NUP58: variants seen among roughly 807,000 people sequenced by gnomAD.
The protein encoded by NUP58 is nucleoporin p58/p45.
A neutral mutation model predicts 70.1 loss-of-function variants in NUP58; 17 were observed. That is an observed-to-expected ratio of 0.24 (90% CI 0.17 to 0.36). The LOEUF (loss-of-function observed/expected upper bound fraction) is 0.36, where lower values mean the gene tolerates loss of function less well. Among genes scored for constraint, NUP58 ranks in the 10% least tolerant of loss-of-function variants. The pLI is 1.00. For synonymous variants in NUP58, 275 were observed against 257.6 expected (o/e 1.07, Z -0.65); for missense variants, 644 against 701.5 (o/e 0.92, Z 0.93).
At position 25,313,605 on chromosome 13, in the gene NUP58, T is replaced by A; in HGVS notation, c.437-9T>A. 1.3e-6 allele frequency: 2 copies of A among 1,487,058 alleles called. No homozygotes were observed. The highest frequency in any genetic ancestry group is 1.8e-6 in the Non-Finnish European group (2 of 1,128,084). The allele number at this position is 1,487,058 out of a possible 1,614,324, so 92.1% of individuals were successfully genotyped here. On this transcript the variant is annotated splice_polypyrimidine_tract_variant and intron_variant, in intron 4 of 15. Transcript: ENST00000381736. ...GCCTTTTGAAAGCTTACTATCTCTC[T>A]TTTTATAGCATCCACAGGATTTACT...
chr13:25,316,133 T>C (rs960979773), intron 6 of NUP58, among the ~76,000 whole-genome samples: 3 of 152,176 alleles, frequency 2.0e-5, no homozygotes, highest in East Asian at 1.9e-4. Context: ...AGACTCTTAG[T>C]GTATAGTTTG....
At chr13:25,348,038 G>C (rs1217135331) in intron 3 of NUP58, among the ~76,000 whole-genome samples, 1 of 152,164 alleles carries the variant, frequency 6.6e-6, no homozygotes, top group Non-Finnish European at 1.5e-5. Context: ...GTTCTCCCTT[G>C]GTTGAGAAGC....
At chr13:25,324,804 T>G (rs1447595590) in intron 9 of NUP58, among the ~76,000 whole-genome samples, 185 bp from the exon 10 acceptor site, 1 of 152,228 alleles carries the variant, frequency 6.6e-6, no homozygotes, top group Non-Finnish European at 1.5e-5. Flanking sequence ...CTGTAATTTG[T>G]CTGCTCTTGA....
At chr13:25,317,741 A>G (rs2030997789) in intron 6 of NUP58, 1 of 148,914 alleles carries the variant, frequency 6.7e-6, no homozygotes, top group African/African-American at 2.6e-5. Context: ...ATATGAAAGA[A>G]AAAAATCTTA....
chr13:25,319,079 G>A lies in NUP58; in HGVS notation c.686-247G>A, dbSNP rs2031068131. 2.6e-5 allele frequency among the ~76,000 whole-genome samples: 4 copies of A among 151,880 alleles called. No homozygotes were observed. In the South Asian group the frequency reaches 8.3e-4, roughly 32 times the overall value. On this transcript the variant is annotated intron_variant, in intron 6 of 15. Coordinates refer to ENST00000381736, the MANE Select transcript of NUP58 (RefSeq NM_014089.4). Reference sequence around the variant, plus strand: ...AGTTCATGACGAGGGTTGAGAAAGGGAAATTCTTGCCCTTGAAAGTATATG... The same window carrying A: ...AGTTCATGACGAGGGTTGAGAAAGGAAAATTCTTGCCCTTGAAAGTATATG...
At chr13:25,346,719 TAAAA>T (rs897278773), downstream of NUP58, among the ~76,000 whole-genome samples, 10 of 128,858 alleles carry the variant, frequency 7.8e-5, no homozygotes, top group African/African-American at 2.8e-4. Flanking sequence ...AAACTCCATC[TAAAA>T]AAAAAAAAAA....
chr13:25,333,369 TA>T (rs2031675768), intron 13 of NUP58: 1 of 985,312 alleles, frequency 1.0e-6, no homozygotes, highest in Non-Finnish European at 1.2e-6. Context: ...CTTTTGCTCA[TA>T]GGCTTTAATT....
chr13:25,317,267 TCCTTATTTG>T (rs149355720), intron 6 of NUP58, among the ~76,000 whole-genome samples: 4,313 of 152,204 alleles, frequency 0.028, 230 homozygotes, highest in African/African-American at 0.099. Context: ...AGTCATGGAG[TCCTTATTTG>T]CCATGTTGAG....
chr13:25,333,124 T>TTGTG (rs566429989), intron 13 of NUP58: 2 of 981,618 alleles, frequency 2.0e-6, no homozygotes, highest in East Asian at 1.1e-4. Flanking sequence ...TGTCAAGGGT[T>TTGTG]TGTGTGTGTG....
chr13:25,328,028 G>A (rs567797120), intron 12 of NUP58, among the ~76,000 whole-genome samples: 10 of 151,870 alleles, frequency 6.6e-5, no homozygotes, highest in Non-Finnish European at 1.5e-4. Flanking sequence ...GTGAAACCCC[G>A]TCTCTACTAA....
chr13:25,315,684 GTC>G (rs2030897181), intron 6 of NUP58, among the ~76,000 whole-genome samples: 1 of 12,428 alleles, frequency 8.0e-5, no homozygotes, highest in African/African-American at 8.2e-5. Context: ...AGAAGCATTT[GTC>G]TGTCAGTAAC....
downstream of NUP58, among the ~76,000 whole-genome samples, chr13:25,347,262 G>A (rs1380977358): frequency 6.6e-6 from 1 of 152,148 alleles, no homozygotes; most frequent in Non-Finnish European, 1.5e-5. Flanking sequence ...CCAGCTCATG[G>A]GAAGAAGGAA....
intron 1 of NUP58, chr13:25,303,282 G>GGACT (rs966390209): frequency 7.1e-4 from 258 of 365,866 alleles, no homozygotes; most frequent in Non-Finnish European, 1.3e-4. Context: ...GAACCTCTGG[G>GGACT]GACTCATCTT....
At chr13:25,344,225 G>C (rs958068494), downstream of NUP58, among the ~76,000 whole-genome samples, 4 of 152,042 alleles carry the variant, frequency 2.6e-5, no homozygotes, top group South Asian at 2.1e-4. Flanking sequence ...GTAGATAATA[G>C]GTATTAATAT....
intron 2 of NUP58, 99 bp downstream of exon 2, chr13:25,308,047 A>G: frequency 7.4e-7 from 1 of 1,354,440 alleles, no homozygotes; most frequent in Non-Finnish European, 1.0e-6. Context: ...CACTGGTAGT[A>G]GACCTTAAAA....
Position 25,322,283 on chromosome 13 carries a change from A to G in NUP58, c.951+1190A>G, listed in dbSNP as rs559332540. ...AAGGTGCTTTTGGGTCTTTAAGTCC[A>G]CTATTGGAGAATATCTTGTAATCTT... On this transcript the variant is annotated intron_variant, in intron 9 of 15. Transcript: ENST00000381736. Among the ~76,000 whole-genome samples, 108 of 152,340 alleles carry G rather than the reference A, an allele frequency of 7.1e-4. 1 individual carries two copies. The highest frequency in any genetic ancestry group is 2.5e-3 in the African/African-American group (102 of 41,568).
In NUP58 at chr13:25,327,022, A is replaced by G. The variant is rs764411980; in HGVS notation, c.1138A>G (p.Ile380Val). 7 of 1,581,918 alleles carry G rather than the reference A, an allele frequency of 4.4e-6. No individual in the cohort carries two copies. In the East Asian group the frequency reaches 1.1e-4, roughly 25 times the overall value. The change falls in exon 11 of 16, where the codon ATA (isoleucine) becomes GTA (valine). Residue 380 changes from isoleucine to valine, a missense_variant. Transcript: ENST00000381736. ...TGCCACTCAAGCAAATAATTCACATATAACCCCTCAAGGTAACATGCTTAC... is the reference window on the plus strand; with the variant it reads ...TGCCACTCAAGCAAATAATTCACATGTAACCCCTCAAGGTAACATGCTTAC... ...HLATQANNSH[I>V]TPQDLSMAMQ...
Position 25,336,477 on chromosome 13 carries a change from G to A in NUP58, c.1436-459G>A. ...TGCCATGTTAGTGTCAGTCTCTCTT[G>A]ATCAATTGAGACTTGACTCTAACAC... On this transcript the variant is annotated intron_variant, in intron 13 of 15. Transcript: ENST00000381736. The A allele has an allele frequency of 6.9e-5, 25 of 362,208 alleles. 1 individual carries two copies. Among genetic ancestry groups the A allele is most frequent in the South Asian group, 5.9e-4 (24 of 40,790 alleles). The allele number at this position is 362,208 out of a possible 1,614,324, so 22.4% of individuals were successfully genotyped here. A position where few individuals can be genotyped will look rare whatever the true frequency, so the allele number is the denominator to read the frequency against.
intron 13 of NUP58, chr13:25,334,864 T>G: frequency 1.0e-6 from 1 of 984,546 alleles, no homozygotes; most frequent in South Asian, 4.7e-5. Flanking sequence ...AGATTTCACT[T>G]TGGCCAGTCA....
Sources: gnomAD v4.1 joint callset for allele counts (sites outside exome capture counted in the v4.1 genomes callset) on GRCh38, gnomAD v4.1.1 for gene constraint, MANE v1.5 for transcripts, NCBI Gene and HGNC (gene_info 2026-07-23, HGNC 2026-07-21) for gene names.